Variants in PLCB4 observed in about 807,000 individuals in gnomAD.
PLCB4 encodes the protein 1-phosphatidylinositol 4,5-bisphosphate phosphodiesterase beta-4.
PLCB4 carries 77 observed loss-of-function variants against 178.8 expected under a neutral mutation model. The ratio of observed to expected loss-of-function variants is 0.43; its 90% CI spans 0.36 to 0.52. The LOEUF (loss-of-function observed/expected upper bound fraction) is 0.52, where lower values mean the gene tolerates loss of function less well. Among genes scored for constraint, PLCB4 ranks in the 20% least tolerant of loss-of-function variants. The pLI, the probability that PLCB4 is intolerant of heterozygous loss-of-function variation, is 0.00. For missense variants in PLCB4, 1,024 were observed against 1,453.4 expected, an observed-to-expected ratio of 0.70 and a Z score of 4.80; for synonymous variants, 496 against 490.8, an observed-to-expected ratio of 1.01 and a Z score of -0.14.
intron 2 of PLCB4, among the ~76,000 whole-genome samples, chr20:9,214,114 G>A (rs2093702331): frequency 6.6e-6 from 1 of 152,136 alleles, no homozygotes; most frequent in South Asian, 2.1e-4. Context: ...TTTTTAAAGA[G>A]GTTCGACTTA....
At position 9,314,187 on chromosome 20, in the gene PLCB4, A is replaced by T. The variant is rs190642813; in HGVS notation, c.84+6289A>T. On this transcript the variant is annotated intron_variant, in intron 4 of 39. Coordinates refer to ENST00000378473, the MANE Select transcript of PLCB4 (RefSeq NM_001377142.1). Reference sequence around the variant, plus strand: ...GAGATGGCCAGTGTCCACACCATCAATGGGTTTACTTTCCAGCCCAGGGCA... The same window carrying T: ...GAGATGGCCAGTGTCCACACCATCATTGGGTTTACTTTCCAGCCCAGGGCA... 3.3e-5 allele frequency among the ~76,000 whole-genome samples: 5 copies of T among 152,308 alleles called. No individual in the cohort carries two copies. The East Asian group carries it at 9.6e-4, about 29-fold the overall frequency.
chr20:9,268,758 G>C (rs1053347527), intron 3 of PLCB4, among the ~76,000 whole-genome samples: 1 of 152,122 alleles, frequency 6.6e-6, no homozygotes, highest in Non-Finnish European at 1.5e-5. Flanking sequence ...CTGTTTTAGA[G>C]GTAAAGAAAC....
intron 2 of PLCB4, among the ~76,000 whole-genome samples, chr20:9,136,228 A>G (rs994420228): frequency 4.6e-5 from 7 of 152,020 alleles, no homozygotes; most frequent in African/African-American, 1.4e-4. Flanking sequence ...GCTTCTCCCA[A>G]AGCTGGTTTG....
intron 3 of PLCB4, among the ~76,000 whole-genome samples, chr20:9,273,213 A>G (rs1407475349): frequency 4.6e-5 from 7 of 152,148 alleles, no homozygotes; most frequent in Non-Finnish European, 7.4e-5. Flanking sequence ...GAATGATGTC[A>G]CTACCACTTT....
At chr20:9,358,992 C>G (rs963397077) in intron 7 of PLCB4, among the ~76,000 whole-genome samples, 4 of 152,146 alleles carry the variant, frequency 2.6e-5, no homozygotes, top group Non-Finnish European at 5.9e-5. Context: ...ATGTTTACTT[C>G]TTACTGTGTA....
At chr20:9,093,863 T>G (rs555408330) in intron 1 of PLCB4, among the ~76,000 whole-genome samples, 2 of 152,182 alleles carry the variant, frequency 1.3e-5, no homozygotes, top group East Asian at 3.9e-4. Flanking sequence ...GAGCTCAGCT[T>G]TAGTGTCACA....
intron 4 of PLCB4, among the ~76,000 whole-genome samples, chr20:9,333,566 G>A (rs557264807): frequency 2.6e-4 from 40 of 152,144 alleles, no homozygotes; most frequent in Non-Finnish European, 4.7e-4. Context: ...GACCTTTTCG[G>A]CCAGGTAAGG....
At chr20:9,212,868 A>T (rs977585029) in intron 2 of PLCB4, among the ~76,000 whole-genome samples, 1 of 152,186 alleles carries the variant, frequency 6.6e-6, no homozygotes, top group African/African-American at 2.4e-5. Context: ...AGTATAATTT[A>T]CATATCATAA....
intron 3 of PLCB4, among the ~76,000 whole-genome samples, chr20:9,276,704 T>C (rs2094453500): frequency 6.6e-6 from 1 of 152,006 alleles, no homozygotes; most frequent in Non-Finnish European, 1.5e-5. Context: ...AGTCTAGTCC[T>C]TTGATAAGAA....
intron 30 of PLCB4, among the ~76,000 whole-genome samples, chr20:9,442,792 C>A (rs2042188403): frequency 6.6e-6 from 1 of 152,158 alleles, no homozygotes; most frequent in Non-Finnish European, 1.5e-5. Flanking sequence ...ATACCCCGAT[C>A]ATAAAATGTT....
At chr20:9,176,693 C>G (rs2093161068) in intron 2 of PLCB4, among the ~76,000 whole-genome samples, 1 of 152,108 alleles carries the variant, frequency 6.6e-6, no homozygotes, top group Non-Finnish European at 1.5e-5. Context: ...AATTCCAACC[C>G]ATGAGCATAT....
At chr20:9,072,655 C>A (rs1256170961) in intron 1 of PLCB4, among the ~76,000 whole-genome samples, 1 of 152,016 alleles carries the variant, frequency 6.6e-6, no homozygotes, top group Admixed American at 6.5e-5. Flanking sequence ...CACTCCCAAA[C>A]CCCATTTTCT....
chr20:9,077,146 GT>G (rs1469760163), intron 1 of PLCB4, among the ~76,000 whole-genome samples: 13 of 152,134 alleles, frequency 8.5e-5, no homozygotes, highest in Non-Finnish European at 1.8e-4. Flanking sequence ...CAATATGTTA[GT>G]TATCTTGTTC....
chr20:9,160,098 A>T lies in PLCB4; in HGVS notation c.-78-57292A>T, dbSNP rs966299067. Among the ~76,000 whole-genome samples, 4 of 152,196 alleles carry T rather than the reference A, an allele frequency of 2.6e-5. No homozygotes were observed. In the East Asian group the frequency reaches 7.7e-4, roughly 29 times the overall value. On this transcript the variant is annotated intron_variant, in intron 2 of 39. Transcript: ENST00000378473. ...CAGTTCTAGCCAGGACAGCAGGGTG[A>T]GCTGGATCCAACTCCGTTTGGTGGC...
intron 7 of PLCB4, among the ~76,000 whole-genome samples, chr20:9,359,937 CAAAG>C (rs2148218081): frequency 6.6e-6 from 1 of 152,270 alleles, no homozygotes; most frequent in East Asian, 1.9e-4. Flanking sequence ...CCCAACAAGA[CAAAG>C]AATCATTAAT....
chr20:9,301,838 C>G (rs182980761), intron 3 of PLCB4, among the ~76,000 whole-genome samples: 2 of 152,158 alleles, frequency 1.3e-5, no homozygotes, highest in South Asian at 4.1e-4. Context: ...TTTCCTCTGC[C>G]CTAGTGCAAT....
intron 4 of PLCB4, among the ~76,000 whole-genome samples, chr20:9,333,384 A>G (rs2031982089): frequency 2.0e-5 from 3 of 152,232 alleles, no homozygotes; most frequent in South Asian, 4.1e-4. Context: ...CTGATGCACC[A>G]AGGGCAGTAG....
Position 9,098,693 on chromosome 20 carries a change from A to G in PLCB4, c.-79+2351A>G, listed in dbSNP as rs2091016084. ...TATGTATATATACATATGTACGTAT[A>G]TATGTACATATATACATATATACGT... On this transcript the variant is annotated intron_variant, in intron 2 of 39. Transcript: ENST00000378473. Among the ~76,000 whole-genome samples the G allele has an allele frequency of 2.7e-5, 4 of 150,026 alleles. No individual in the cohort carries two copies. The South Asian group carries it at 8.4e-4, about 32-fold the overall frequency.
chr20:9,454,659 A>G (rs1342255327), intron 33 of PLCB4, among the ~76,000 whole-genome samples: 1 of 152,172 alleles, frequency 6.6e-6, no homozygotes, highest in Non-Finnish European at 1.5e-5. Flanking sequence ...TGTTAGTTAT[A>G]ATTTTCTTGG....
Sources: allele counts gnomAD v4.1 joint callset (sites outside exome capture counted in the v4.1 genomes callset), GRCh38; gene constraint gnomAD v4.1.1; transcripts MANE v1.5; gene names NCBI Gene and HGNC (gene_info 2026-07-23, HGNC 2026-07-21).